Variants in BTBD16 observed in about 807,000 individuals in gnomAD.
BTBD16 encodes BTB domain containing 16, also known as BTB/POZ domain-containing protein 16.
In BTBD16, 66 loss-of-function variants were observed where a neutral mutation model predicts 67.4. The ratio of observed to expected loss-of-function variants is 0.98; its 90% confidence interval spans 0.80 to 1.20. The LOEUF (loss-of-function observed/expected upper bound fraction) is 1.20, where lower values mean the gene tolerates loss of function less well. Ranked by LOEUF, BTBD16 falls within the 50% of genes most tolerant of loss-of-function variation. The pLI is 0.00. For missense variants in BTBD16, 634 were observed against 616.0 expected (o/e 1.03, Z -0.31); for synonymous variants, 242 against 236.4 (o/e 1.02, Z -0.22).
chr10:122,310,076 T>C (rs1285819973), intron 10 of BTBD16, among the ~76,000 whole-genome samples: 3 of 152,182 alleles, frequency 2.0e-5, no homozygotes, highest in Non-Finnish European at 4.4e-5. Context: ...TGGGTCCATT[T>C]TTATGTAGCT....
At chr10:122,278,922 A>AT (rs1464811466) in intron 3 of BTBD16, among the ~76,000 whole-genome samples, 1 of 152,166 alleles carries the variant, frequency 6.6e-6, no homozygotes, top group Non-Finnish European at 1.5e-5. Flanking sequence ...CATGCTTATC[A>AT]TGGTGACAGC....
chr10:122,307,736 A>T (rs1027363237), intron 10 of BTBD16, among the ~76,000 whole-genome samples: 1 of 152,228 alleles, frequency 6.6e-6, no homozygotes, highest in Middle Eastern at 3.2e-3. Flanking sequence ...CCACAGCCTC[A>T]GGAATGAGGG....
chr10:122,332,645 G>A (rs1264685182), intron 13 of BTBD16, 132 bp downstream of exon 13: 12 of 1,059,704 alleles, frequency 1.1e-5, no homozygotes, highest in Non-Finnish European at 1.6e-5. Context: ...AGAACCACAG[G>A]TGTCTCTCCT....
chr10:122,291,173 A>T lies in BTBD16; in HGVS notation c.569A>T (p.Gln190Leu). The T allele has an allele frequency of 6.2e-7, 1 of 1,613,466 alleles. No homozygotes were observed. Among genetic ancestry groups the T allele is most frequent in the Non-Finnish European group, 8.5e-7 (1 of 1,179,720 alleles). Residue 190 changes from glutamine to leucine, a missense_variant, in exon 7 of 16, where the codon CAG (glutamine) becomes CTG (leucine). Coordinates refer to ENST00000260723, the MANE Select transcript of BTBD16 (RefSeq NM_144587.5). ...GTGCTGGCTTCCGCCCACATCCTCC[A>T]GTTCAGTGGCCTGTTTCAAAGGTAA... ...LGVLASAHIL[Q>L]FSGLFQRCVD...
intron 11 of BTBD16, 72 bp downstream of exon 11, chr10:122,329,643 G>C: frequency 7.7e-7 from 1 of 1,297,568 alleles, no homozygotes; most frequent in Admixed American, 1.8e-5. Flanking sequence ...AGCCACTGCC[G>C]GGGGAGCCCC....
At chr10:122,296,278 C>A (rs991421834) in intron 7 of BTBD16, among the ~76,000 whole-genome samples, 1 of 151,922 alleles carries the variant, frequency 6.6e-6, no homozygotes, top group African/African-American at 2.4e-5. Context: ...ATGTTTTTTT[C>A]TTGGTTTTGG....
At chr10:122,279,517 C>G (rs1444043578) in intron 3 of BTBD16, among the ~76,000 whole-genome samples, 2 of 150,662 alleles carry the variant, frequency 1.3e-5, no homozygotes, top group African/African-American at 4.9e-5. Flanking sequence ...GAGAAACACA[C>G]ACACACACAC....
At chr10:122,327,149 C>T (rs1418258029) in intron 10 of BTBD16, among the ~76,000 whole-genome samples, 6 of 152,116 alleles carry the variant, frequency 3.9e-5, no homozygotes, top group Non-Finnish European at 7.4e-5. Context: ...CTCCCAGAGC[C>T]GGGTTATATT....
chr10:122,273,223 T>TAGATAG (rs1447437121), intron 1 of BTBD16, among the ~76,000 whole-genome samples: 3 of 61,706 alleles, frequency 4.9e-5, no homozygotes, highest in African/African-American at 2.1e-4. Flanking sequence ...AACACAAAGA[T>TAGATAG]ATATATATAT....
intron 6 of BTBD16, among the ~76,000 whole-genome samples, chr10:122,290,439 C>A (rs753219652): frequency 6.6e-6 from 1 of 152,210 alleles, no homozygotes; most frequent in Non-Finnish European, 1.5e-5. Flanking sequence ...CATCCCCTCA[C>A]AGCCACTCAT....
chr10:122,332,390 G>A, intron 12 of BTBD16, 46 bp from the exon 13 acceptor site: 1 of 1,592,440 alleles, frequency 6.3e-7, no homozygotes, highest in Non-Finnish European at 8.6e-7. Flanking sequence ...AGGCGCTCGT[G>A]TCCAGAGGAT....
chr10:122,303,686 C>T (rs963958945), intron 9 of BTBD16: 1 of 890,408 alleles, frequency 1.1e-6, no homozygotes, highest in African/African-American at 1.8e-5. Flanking sequence ...TTATGAAAAG[C>T]ATTTTTTTCC....
chr10:122,296,247 A>T (rs983718768), intron 7 of BTBD16, among the ~76,000 whole-genome samples: 1 of 152,178 alleles, frequency 6.6e-6, no homozygotes, highest in African/African-American at 2.4e-5. Context: ...CTGTAGAGTA[A>T]ATGCAATAAT....
chr10:122,327,610 G>T (rs1016283136), intron 10 of BTBD16: 1 of 985,374 alleles, frequency 1.0e-6, no homozygotes, highest in Non-Finnish European at 1.2e-6. Context: ...ATGACTCATG[G>T]CCTCTCCATG....
Position 122,297,850 on chromosome 10 carries a change from C to T in BTBD16, c.660+13C>T, listed in dbSNP as rs78709189. Reference sequence around the variant, plus strand: ...GGCCGGCTGCAAGGTGAGAACAACCCAGACGGGGCACATCGCCCCTTGGGG... The same window carrying T: ...GGCCGGCTGCAAGGTGAGAACAACCTAGACGGGGCACATCGCCCCTTGGGG... On this transcript the variant is annotated intron_variant, in intron 8 of 15. Coordinates refer to ENST00000260723, the MANE Select transcript of BTBD16 (RefSeq NM_144587.5). 2.5e-3 allele frequency: 4,043 copies of T among 1,613,836 alleles called. 81 individuals carry two copies. The African/African-American group carries it at 0.047, about 19-fold the overall frequency.
chr10:122,318,977 A>G (rs2096431021), intron 10 of BTBD16, among the ~76,000 whole-genome samples: 1 of 152,196 alleles, frequency 6.6e-6, no homozygotes, highest in Admixed American at 6.5e-5. Flanking sequence ...TTCCCCAGTG[A>G]CTAAGGATGG....
At chr10:122,319,709 G>A (rs2096432347) in intron 10 of BTBD16, among the ~76,000 whole-genome samples, 1 of 151,924 alleles carries the variant, frequency 6.6e-6, no homozygotes, top group South Asian at 2.1e-4. Context: ...TAGCTCCTTT[G>A]CACTTTCATA....
At chr10:122,286,044 G>T in intron 4 of BTBD16, 61 bp from the exon 5 acceptor site, 1 of 1,498,586 alleles carries the variant, frequency 6.7e-7, no homozygotes, top group Non-Finnish European at 9.1e-7. Flanking sequence ...AGAGGAAGCT[G>T]ATGCATCTTT....
intron 9 of BTBD16, among the ~76,000 whole-genome samples, chr10:122,301,484 T>A (rs2096393903): frequency 6.6e-6 from 1 of 152,102 alleles, no homozygotes. Flanking sequence ...AAAAGAGCCC[T>A]GTGTGGCTTC....
Sources: allele counts gnomAD v4.1 joint callset (sites outside exome capture counted in the v4.1 genomes callset), GRCh38; gene constraint gnomAD v4.1.1; transcripts MANE v1.5; gene names NCBI Gene and HGNC (gene_info 2026-07-23, HGNC 2026-07-21).